The following CAND1 variants were observed in gnomAD, a reference collection of about 807,000 sequenced individuals.
CAND1 encodes cullin-associated NEDD8-dissociated protein 1.
Under a neutral mutation model 108.5 loss-of-function variants are expected in CAND1, and 7 were observed. The ratio of observed to expected loss-of-function variants is 0.06; its 90% CI spans 0.04 to 0.12. CAND1 has a LOEUF of 0.12. CAND1 is among the 10% of genes least tolerant of loss of function. The probability of loss-of-function intolerance (pLI) is 1.00; values close to 1 mark genes in which losing one functional copy is unlikely to be tolerated. For missense variants in CAND1, 941 were observed against 1,448.7 expected, an observed-to-expected ratio of 0.65 and a Z score of 5.69; for synonymous variants, 534 against 512.0, an observed-to-expected ratio of 1.04 and a Z score of -0.58.
chr12:67,314,340 G>C lies in CAND1; in HGVS notation c.*1510G>C, dbSNP rs1303446756. ...AAATGATAACATACTGTGGTTATTA[G>C]ATTAACAGCTTGATTTTGAATGTTC... On this transcript the variant is annotated 3_prime_UTR_variant, in exon 15 of 15. Coordinates refer to ENST00000545606, the MANE Select transcript of CAND1 (RefSeq NM_018448.5). 2 of 152,140 alleles carry C rather than the reference G, an allele frequency of 1.3e-5. No homozygotes were observed. The highest frequency in any genetic ancestry group is 2.9e-5 in the Non-Finnish European group (2 of 68,008). The allele number at this position is 152,140 out of a possible 1,614,324, so 9.4% of individuals were successfully genotyped here.
At chr12:67,271,381 C>T (rs2044519341) in intron 1 of CAND1, among the ~76,000 whole-genome samples, 2 of 152,050 alleles carry the variant, frequency 1.3e-5, no homozygotes, top group South Asian at 2.1e-4. Context: ...TTTGGCTCAT[C>T]CTGTAAAGGT....
chr12:67,272,810 C>A (rs1444754586), intron 1 of CAND1, among the ~76,000 whole-genome samples: 1 of 152,154 alleles, frequency 6.6e-6, no homozygotes, highest in Non-Finnish European at 1.5e-5. Context: ...AACTCCCTTG[C>A]CTCAGCCTCC....
intron 2 of CAND1, among the ~76,000 whole-genome samples, chr12:67,288,359 C>G (rs1216309300): frequency 6.6e-6 from 1 of 151,974 alleles, no homozygotes; most frequent in African/African-American, 2.4e-5. Context: ...AACTCCTGAC[C>G]TCAAGTAATC....
intron 14 of CAND1, among the ~76,000 whole-genome samples, chr12:67,312,257 T>TTAA (rs1197126316): frequency 6.6e-6 from 1 of 151,830 alleles, no homozygotes; most frequent in Non-Finnish European, 1.5e-5. Flanking sequence ...AAGTGAATAA[T>TTAA]AGAGTATAGC....
chr12:67,269,632 A>C lies in CAND1; in HGVS notation c.-86A>C. On this transcript the variant is annotated 5_prime_UTR_variant, in exon 1 of 15. Coordinates refer to ENST00000545606, the MANE Select transcript of CAND1 (RefSeq NM_018448.5). ...AGCGGGAGCCGCCGCGAGCGAGAGG[A>C]GGAGCTCCAGTGGCGGCGGCGGCGG... 1.8e-5 allele frequency: 21 copies of C among 1,141,058 alleles called. No individual in the cohort carries two copies. Among genetic ancestry groups the C allele is most frequent in the Non-Finnish European group, 2.6e-5 (20 of 778,832 alleles). 70.7% of individuals were successfully genotyped at this position (1,141,058 alleles called of 1,614,324 possible).
In CAND1 at chr12:67,286,547, CTG is replaced by C. The variant is rs1177506774; in HGVS notation, c.212+4498_212+4499del. 5.2e-5 allele frequency among the ~76,000 whole-genome samples: 7 copies of C among 134,106 alleles called. No individual in the cohort carries two copies. The East Asian group carries it at 1.4e-3, about 27-fold the overall frequency. The allele number at this position is 134,106 out of a possible 152,430, so 88.0% of individuals were successfully genotyped here. ...AACTAATGATGTCAAGAACTGTTTC[CTG>C]TGTTTTTTGGCCATTTTTTTTTTTT... is the stretch of plus-strand genomic sequence containing the variant. On this transcript the variant is annotated intron_variant, in intron 2 of 14. Coordinates refer to ENST00000545606, the MANE Select transcript of CAND1 (RefSeq NM_018448.5).
chr12:67,285,186 TTG>T (rs2044658794), intron 2 of CAND1, among the ~76,000 whole-genome samples: 2 of 152,182 alleles, frequency 1.3e-5, no homozygotes, highest in African/African-American at 2.4e-5. Context: ...TGACCTTGTA[TTG>T]CAGTGTTGTG....
intron 8 of CAND1, among the ~76,000 whole-genome samples, chr12:67,303,652 T>TTGC (rs1396799323): frequency 3.9e-5 from 6 of 152,208 alleles, no homozygotes; most frequent in Non-Finnish European, 7.3e-5. Flanking sequence ...TGTACTTGCT[T>TTGC]TGCTGTTGAG....
intron 1 of CAND1, among the ~76,000 whole-genome samples, chr12:67,272,129 G>A (rs1321559987): frequency 1.3e-5 from 2 of 152,186 alleles, no homozygotes; most frequent in East Asian, 3.8e-4. Flanking sequence ...GATCTTGAGG[G>A]CAAGGTTAAC....
At chr12:67,297,349 G>A in intron 4 of CAND1, 58 bp from the exon 5 acceptor site, 1 of 1,494,642 alleles carries the variant, frequency 6.7e-7, no homozygotes, top group Admixed American at 1.7e-5. Context: ...ACATTTAGTA[G>A]TGGCCAGGCA....
intron 2 of CAND1, among the ~76,000 whole-genome samples, chr12:67,291,065 C>T (rs941091289): frequency 2.0e-5 from 3 of 152,152 alleles, no homozygotes; most frequent in Non-Finnish European, 4.4e-5. Context: ...TCGGTCCCTG[C>T]TGCCAAAATG....
intron 11 of CAND1, among the ~76,000 whole-genome samples, chr12:67,309,132 A>C (rs961379121): frequency 3.3e-5 from 5 of 152,004 alleles, no homozygotes; most frequent in African/African-American, 1.2e-4. Context: ...CATTTTATTG[A>C]CTGAGAAACT....
rs1274519565 is a variant in CAND1 at position 67,300,781 on chromosome 12, C to G, written c.1001-1542C>G. Reference sequence around the variant, plus strand: ...GGACAGTACTTGACACACAGGCAATCAATAAATGGGTTGTATTAATGAAGG... The same window carrying G: ...GGACAGTACTTGACACACAGGCAATGAATAAATGGGTTGTATTAATGAAGG... On this transcript the variant is annotated intron_variant, in intron 7 of 14. Transcript: ENST00000545606. Among the ~76,000 whole-genome samples, 4 of 152,102 alleles carry G rather than the reference C, an allele frequency of 2.6e-5. No individual in the cohort carries two copies. In the East Asian group the frequency reaches 7.7e-4, roughly 29 times the overall value.
In CAND1 at chr12:67,306,040, C is replaced by T; in HGVS notation, c.2372C>T (p.Thr791Ile). Residue 791 changes from threonine to isoleucine, a missense_variant, in exon 10 of 15, where the codon ACT (threonine) becomes ATT (isoleucine). Transcript: ENST00000545606. ...GPVYSQSTAL[T>I]HKQSYYSIAK... The stretch of plus-strand genomic sequence containing the variant: ...GTTTACTCTCAGAGCACAGCTCTTA[C>T]TCATAAGCAGTCTTATTATTCCATT... 3 of 1,614,084 alleles carry T rather than the reference C, an allele frequency of 1.9e-6. No individual in the cohort carries two copies. Among genetic ancestry groups the T allele is most frequent in the Non-Finnish European group, 2.5e-6 (3 of 1,179,946 alleles).
chr12:67,281,486 G>A (rs1291736076), intron 1 of CAND1, among the ~76,000 whole-genome samples: 1 of 152,044 alleles, frequency 6.6e-6, no homozygotes, highest in Non-Finnish European at 1.5e-5. Context: ...TTTGGTTAAG[G>A]GCTTCCTAGA....
intron 8 of CAND1, among the ~76,000 whole-genome samples, chr12:67,303,543 T>A (rs779606278): frequency 2.0e-5 from 3 of 152,076 alleles, no homozygotes; most frequent in Admixed American, 1.3e-4. Context: ...AAGTCAGACA[T>A]TTTTTTTGTT....
chr12:67,289,027 C>T (rs1006921207), intron 2 of CAND1, among the ~76,000 whole-genome samples: 20 of 152,066 alleles, frequency 1.3e-4, no homozygotes, highest in African/African-American at 3.4e-4. Context: ...TAGCCACTCC[C>T]GTTTATTTCA....
chr12:67,287,194 A>T (rs1299258729), intron 2 of CAND1, among the ~76,000 whole-genome samples: 1 of 152,210 alleles, frequency 6.6e-6, no homozygotes, highest in Non-Finnish European at 1.5e-5. Context: ...CAATTGTAAC[A>T]ATCAGAAATG....
At position 67,317,605 on chromosome 12, in the gene CAND1, C is replaced by A. The variant is rs2045021661; in HGVS notation, c.*4775C>A. The A allele has an allele frequency of 6.6e-6, 1 of 151,652 alleles. No individual in the cohort carries two copies. The highest frequency in any genetic ancestry group is 1.5e-5 in the Non-Finnish European group (1 of 68,084). The allele number at this position is 151,652 out of a possible 1,614,324, so 9.4% of individuals were successfully genotyped here. On this transcript the variant is annotated 3_prime_UTR_variant, in exon 15 of 15. Coordinates refer to ENST00000545606, the MANE Select transcript of CAND1 (RefSeq NM_018448.5). ...TCTAGCTATTCTCCTGCCTCAGCCT[C>A]CCAAGTAGCTGTGATTACAGGCGTG...
Sources: allele counts gnomAD v4.1 joint callset (sites outside exome capture counted in the v4.1 genomes callset), GRCh38; gene constraint gnomAD v4.1.1; transcripts MANE v1.5; gene names NCBI Gene and HGNC (gene_info 2026-07-23, HGNC 2026-07-21).